RBFOX1: variants seen among roughly 807,000 people sequenced by gnomAD.
RBFOX1 encodes RNA binding fox-1 homolog 1.
Under a neutral mutation model 57.7 loss-of-function variants are expected in RBFOX1, and 8 were observed. The ratio of observed to expected loss-of-function variants is 0.14; its 90% CI spans 0.08 to 0.25. The LOEUF is 0.25. Ranked by LOEUF, RBFOX1 falls within the 10% of genes least tolerant of loss-of-function variation. RBFOX1 has a pLI of 1.00. For missense variants in RBFOX1, 611 were observed against 548.5 expected (o/e 1.11, Z -1.14); for synonymous variants, 326 against 222.4 (o/e 1.47, Z -4.15).
chr16:5,969,620 C>A lies in RBFOX1; in HGVS notation c.351+102285C>A, dbSNP rs1482178810. Among the ~76,000 whole-genome samples, 8 of 151,740 alleles carry A rather than the reference C, an allele frequency of 5.3e-5. No individual in the cohort carries two copies. In the East Asian group the frequency reaches 1.4e-3, roughly 26 times the overall value. On this transcript the variant is annotated intron_variant, in intron 4 of 19. Transcript: ENST00000641259. ...TACAGGTGTGAACCACCATGTCCAG[C>A]CTTTGTTGTTCATTTTTAAGTGATA...
chr16:7,538,242 T>C (rs2082020147), intron 5 of RBFOX1, among the ~76,000 whole-genome samples: 1 of 152,138 alleles, frequency 6.6e-6, no homozygotes, highest in Non-Finnish European at 1.5e-5. Context: ...TGGTTTTCTT[T>C]CATGAGTCCT....
intron 3 of RBFOX1, among the ~76,000 whole-genome samples, chr16:6,818,534 T>C (rs943714322): frequency 2.0e-5 from 3 of 152,208 alleles, no homozygotes; most frequent in African/African-American, 7.2e-5. Flanking sequence ...ATACAAGCTG[T>C]TGTAAGATTT....
intron 3 of RBFOX1, among the ~76,000 whole-genome samples, chr16:6,736,061 T>A (rs1157082726): frequency 1.7e-5 from 2 of 120,324 alleles, no homozygotes; most frequent in African/African-American, 6.4e-5. Flanking sequence ...ATTTTTCTGA[T>A]CTATCCAGTA....
chr16:5,587,740 A>T (rs1448804421), intron 2 of RBFOX1, among the ~76,000 whole-genome samples: 5 of 152,170 alleles, frequency 3.3e-5, no homozygotes, highest in African/African-American at 9.6e-5. Context: ...TTAAGTATTG[A>T]TGAGAATATG....
chr16:6,841,586 C>G lies in RBFOX1; in HGVS notation c.-16+186936C>G, dbSNP rs985199809. 7.9e-5 allele frequency among the ~76,000 whole-genome samples: 12 copies of G among 152,136 alleles called. No homozygotes were observed. The South Asian group carries it at 1.7e-3, about 21-fold the overall frequency. ...CCCTTTCTCCTACGAGCTGTCCACC[C>G]ACAGTTGAAGAGCTAATTTTACTCT... On this transcript the variant is annotated intron_variant, in intron 3 of 15. Transcript: ENST00000550418.
intron 1 of RBFOX1, among the ~76,000 whole-genome samples, chr16:6,157,394 G>A (rs1052689497): frequency 2.6e-5 from 4 of 152,038 alleles, no homozygotes; most frequent in Non-Finnish European, 5.9e-5. Context: ...TTTTTCCTTA[G>A]TATCAGTATG....
At chr16:5,633,907 A>T (rs950193258) in intron 3 of RBFOX1, among the ~76,000 whole-genome samples, 2 of 152,174 alleles carry the variant, frequency 1.3e-5, no homozygotes, top group Admixed American at 1.3e-4. Flanking sequence ...AAAAGAAGAT[A>T]TACAGACACC....
intron 1 of RBFOX1, among the ~76,000 whole-genome samples, chr16:6,109,070 A>AT (rs2096414771): frequency 6.6e-6 from 1 of 152,030 alleles, no homozygotes; most frequent in Non-Finnish European, 1.5e-5. Flanking sequence ...ATAAAACTTG[A>AT]TTTTCCATTG....
At chr16:5,668,344 C>T (rs1219822490) in intron 3 of RBFOX1, among the ~76,000 whole-genome samples, 1 of 152,138 alleles carries the variant, frequency 6.6e-6, no homozygotes, top group Non-Finnish European at 1.5e-5. Context: ...AAGGTCATCT[C>T]TGAGCTGAAT....
chr16:7,595,497 T>C, intron 7 of RBFOX1, 52 bp from the exon 8 acceptor site: 4 of 1,396,530 alleles, frequency 2.9e-6, no homozygotes, highest in Non-Finnish European at 3.9e-6. Context: ...AAGTGGTCGT[T>C]GACTGAAATA....
At chr16:5,263,141 G>C (rs2062776619) in intron 1 of RBFOX1, among the ~76,000 whole-genome samples, 1 of 152,112 alleles carries the variant, frequency 6.6e-6, no homozygotes, top group Non-Finnish European at 1.5e-5. Flanking sequence ...TGCTATTCTA[G>C]CCGAGAAAGG....
At chr16:5,410,465 A>T (rs921667890) in intron 1 of RBFOX1, among the ~76,000 whole-genome samples, 1 of 152,242 alleles carries the variant, frequency 6.6e-6, no homozygotes, top group Non-Finnish European at 1.5e-5. Context: ...AATGGTACAA[A>T]TAAGACTATT....
Position 7,486,766 on chromosome 16 carries a change from G to A in RBFOX1, c.28-31381G>A, listed in dbSNP as rs373059207. On this transcript the variant is annotated intron_variant, in intron 4 of 15. Transcript: ENST00000550418. ...AGGGGAATAGACAGAGATCCAGGCC[G>A]TTACTAGGAGACAAGCTATGCAATA... 5.3e-5 allele frequency among the ~76,000 whole-genome samples: 8 copies of A among 152,250 alleles called. 1 individual carries two copies. The East Asian group carries it at 5.8e-4, about 11-fold the overall frequency.
At chr16:7,156,422 T>C (rs1193571890) in intron 4 of RBFOX1, among the ~76,000 whole-genome samples, 5 of 152,072 alleles carry the variant, frequency 3.3e-5, no homozygotes, top group Non-Finnish European at 7.4e-5. Context: ...TGCGTATAGT[T>C]GTACATACAC....
chr16:5,819,771 C>T (rs1038912606), intron 3 of RBFOX1, among the ~76,000 whole-genome samples: 2 of 152,194 alleles, frequency 1.3e-5, no homozygotes, highest in African/African-American at 2.4e-5. Context: ...TTTCTTTCAA[C>T]AAATATTATT....
chr16:7,365,788 A>G (rs1160927057), intron 4 of RBFOX1, among the ~76,000 whole-genome samples: 1 of 152,230 alleles, frequency 6.6e-6, no homozygotes, highest in Non-Finnish European at 1.5e-5. Context: ...CAGTGTATGC[A>G]AAGTGATGAC....
At chr16:5,663,496 C>T (rs1376345603) in intron 3 of RBFOX1, among the ~76,000 whole-genome samples, 2 of 152,130 alleles carry the variant, frequency 1.3e-5, no homozygotes, top group Non-Finnish European at 2.9e-5. Flanking sequence ...TGAGCTACCA[C>T]ACCTGGCTGA....
In RBFOX1 at chr16:6,505,316, A is replaced by G. The variant is rs192487282; in HGVS notation, c.-63-149287A>G. On this transcript the variant is annotated intron_variant, in intron 2 of 15. Transcript: ENST00000550418. ...TTTTCACCCTGATATTCATCACTCAATTGAGCTTTGTTTATATAAGGAATC... is the reference window on the plus strand; with the variant it reads ...TTTTCACCCTGATATTCATCACTCAGTTGAGCTTTGTTTATATAAGGAATC... 4.5e-4 allele frequency among the ~76,000 whole-genome samples: 68 copies of G among 152,238 alleles called. 1 individual carries two copies. The highest frequency in any genetic ancestry group is 1.2e-4 in the African/African-American group (5 of 41,556).
At chr16:6,984,020 G>C (rs1173667842) in intron 3 of RBFOX1, among the ~76,000 whole-genome samples, 1 of 152,124 alleles carries the variant, frequency 6.6e-6, no homozygotes, top group Admixed American at 6.5e-5. Flanking sequence ...GGCCAAGGTG[G>C]GCAGATCACC....
Sources: allele counts gnomAD v4.1 joint callset (sites outside exome capture counted in the v4.1 genomes callset), GRCh38; gene constraint gnomAD v4.1.1; transcripts MANE v1.5; gene names NCBI Gene and HGNC (gene_info 2026-07-23, HGNC 2026-07-21).